Variants in NDRG2 observed in about 807,000 individuals in gnomAD.
The protein encoded by NDRG2 is NDRG family member 2.
In NDRG2, 34 loss-of-function variants were observed where a neutral mutation model predicts 58.2. That is an observed-to-expected ratio of 0.58 (90% CI 0.44 to 0.78). The LOEUF (loss-of-function observed/expected upper bound fraction) is 0.78. Among genes scored for constraint, NDRG2 ranks in the 30% least tolerant of loss-of-function variants. The pLI, the probability that NDRG2 is intolerant of heterozygous loss-of-function variation, is 0.00. For synonymous variants in NDRG2, 187 were observed against 175.9 expected, an observed-to-expected ratio of 1.06 and a Z score of -0.50; for missense variants, 434 against 471.2, an observed-to-expected ratio of 0.92 and a Z score of 0.73.
intron 11 of NDRG2, 37 bp from the exon 12 acceptor site, chr14:21,018,851 C>T (rs1489196533): frequency 6.2e-7 from 1 of 1,613,080 alleles, no homozygotes. Context: ...CAGTGAGCCC[C>T]TGGCACTCCC....
At chr14:21,042,996 G>C (rs1420496022) in intron 1 of NDRG2, 1 of 1,611,898 alleles carries the variant, frequency 6.2e-7, no homozygotes, top group African/African-American at 1.3e-5. Flanking sequence ...AAGAGAGATG[G>C]CACCGGCCAG....
chr14:21,034,544 C>A, intron 1 of NDRG2: 1 of 472,918 alleles, frequency 2.1e-6, no homozygotes, highest in South Asian at 4.0e-5. Flanking sequence ...GCTACATTTG[C>A]AGAATAAGAG....
In NDRG2 at chr14:21,070,386, G is replaced by C; in HGVS notation, c.24+442C>G. 7.1e-7 allele frequency: 1 copy of C among 1,409,182 alleles called. No individual in the cohort carries two copies. The highest frequency in any genetic ancestry group is 9.2e-7 in the Non-Finnish European group (1 of 1,090,260). The allele number at this position is 1,409,182 out of a possible 1,614,324, so 87.3% of individuals were successfully genotyped here. ...CCCGACCAAGCGTCGGACGCGGCCC[G>C]GCGCCGAGCCATGGTGAGTCCAGCG... On this transcript the variant is annotated intron_variant, in intron 1 of 14. Coordinates refer to the NDRG2 transcript ENST00000403829. The surrounding 1 kb of genome is among the most constrained non-coding windows in gnomAD (Gnocchi z 4.7).
intron 14 of NDRG2, 38 bp from the exon 15 acceptor site, chr14:21,018,076 G>A (rs1238341369): frequency 6.2e-7 from 1 of 1,608,300 alleles, no homozygotes; most frequent in Non-Finnish European, 8.5e-7. Flanking sequence ...ACGGTGAGAT[G>A]AGGTTAGAGG....
At chr14:21,039,199 G>A (rs1429902764) in intron 1 of NDRG2, among the ~76,000 whole-genome samples, 1 of 152,156 alleles carries the variant, frequency 6.6e-6, no homozygotes, top group African/African-American at 2.4e-5. Flanking sequence ...CAGGCGAGAG[G>A]AAGCAGCAGC....
At chr14:21,069,428 ACTGGAGGCCTGGTGCCTTCCCTCTT>A (rs1886495086) in intron 1 of NDRG2, among the ~76,000 whole-genome samples, 1 of 152,184 alleles carries the variant, frequency 6.6e-6, no homozygotes, top group Non-Finnish European at 1.5e-5. Context: ...GAATCCTCGA[ACTGGAGGCCTGGTGCCTTCCCTCTT>A]CTAGCCGAAT....
chr14:21,066,509 AGGGTTTCACCATGTTG>A (rs1886275932), intron 1 of NDRG2, among the ~76,000 whole-genome samples: 1 of 152,114 alleles, frequency 6.6e-6, no homozygotes, highest in Non-Finnish European at 1.5e-5. Flanking sequence ...TAGTAGAGAC[AGGGTTTCACCATGTTG>A]GGGTTTCCCC....
intron 1 of NDRG2, among the ~76,000 whole-genome samples, chr14:21,037,886 C>A (rs998378372): frequency 6.6e-6 from 1 of 152,194 alleles, no homozygotes; most frequent in African/African-American, 2.4e-5. Flanking sequence ...TCCCTTCCCT[C>A]CCCAATGGTA....
chr14:21,037,181 G>C (rs1254882561), intron 1 of NDRG2, among the ~76,000 whole-genome samples: 1 of 152,202 alleles, frequency 6.6e-6, no homozygotes, highest in Non-Finnish European at 1.5e-5. Flanking sequence ...GCACATTATA[G>C]AGGAAAGCAT....
chr14:21,031,212 A>G (rs543485522), intron 1 of NDRG2: 8 of 1,596,358 alleles, frequency 5.0e-6, no homozygotes, highest in Non-Finnish European at 6.0e-6. Context: ...CTAAATCCCC[A>G]TTGTTCCAGT....
intron 8 of NDRG2, 197 bp downstream of exon 8, chr14:21,020,293 CAAAAAA>C (rs11325826): frequency 3.1e-5 from 12 of 389,746 alleles, no homozygotes; most frequent in African/African-American, 5.8e-5. Flanking sequence ...GACACCATCT[CAAAAAA>C]AAAAAAAAAA....
chr14:21,070,347 C>A lies in NDRG2; in HGVS notation c.24+481G>T. 7.1e-7 allele frequency: 1 copy of A among 1,403,410 alleles called. No homozygotes were observed. Among genetic ancestry groups the A allele is most frequent in the Non-Finnish European group, 9.2e-7 (1 of 1,083,962 alleles). 86.9% of individuals were successfully genotyped at this position (1,403,410 alleles called of 1,614,324 possible). On this transcript the variant is annotated intron_variant, in intron 1 of 14. Transcript: ENST00000403829. This position sits in a 1 kb window ranked among gnomAD's most constrained non-coding sequence, Gnocchi z 4.7. The stretch of plus-strand genomic sequence containing the variant: ...GCGGCGGGAGGGAGGCGGTGGCGCG[C>A]CCGGCCCCGCCCGCCCGACCAAGCG...
At chr14:21,040,204 C>A (rs1884825666) in intron 1 of NDRG2, among the ~76,000 whole-genome samples, 1 of 152,152 alleles carries the variant, frequency 6.6e-6, no homozygotes, top group African/African-American at 2.4e-5. Context: ...CTCCCCCAAC[C>A]AAGGCCTCGC....
intron 1 of NDRG2, among the ~76,000 whole-genome samples, chr14:21,039,833 G>A (rs188053563): frequency 5.3e-5 from 8 of 152,216 alleles, no homozygotes; most frequent in Middle Eastern, 3.4e-3. Flanking sequence ...AGCCTTCTAC[G>A]CAGCCCAGCA....
chr14:21,057,848 A>C (rs777761066), intron 1 of NDRG2: 1 of 1,548,092 alleles, frequency 6.5e-7, no homozygotes, highest in Non-Finnish European at 8.9e-7. Context: ...TGACCTATTC[A>C]TCCACCTACC....
chr14:21,040,025 C>A (rs1446729559), intron 1 of NDRG2, among the ~76,000 whole-genome samples: 1 of 152,222 alleles, frequency 6.6e-6, no homozygotes. Flanking sequence ...AAAGGCTAGA[C>A]TGGCCTGTGC....
rs139233647 is a variant in NDRG2, at chr14:21,033,918, T to C, written c.25-10597A>G. The C allele has an allele frequency of 4.6e-4, 743 of 1,614,032 alleles. 3 individuals carry two copies. The highest frequency in any genetic ancestry group is 5.6e-4 in the Non-Finnish European group (666 of 1,179,926). ...CTGGTTGGTTAGGGTGCTATTGTAG[T>C]AGCAGCTAGTGGGTGGCTGTTGGTG... On this transcript the variant is annotated intron_variant, in intron 1 of 14. Transcript: ENST00000403829.
chr14:21,067,761 T>C (rs1157740528), intron 1 of NDRG2, among the ~76,000 whole-genome samples: 2 of 150,022 alleles, frequency 1.3e-5, no homozygotes, highest in African/African-American at 4.9e-5. Context: ...TGTACACACG[T>C]ACACACACAC....
At position 21,034,287 on chromosome 14, in the gene NDRG2, A is replaced by C. The variant is rs770207237; in HGVS notation, c.25-10966T>G. ...AAGGAGCCGGGTCACAGCTGGTGCC[A>C]TTCCTCCTGCTGGTAGAGTTAAGGT... On this transcript the variant is annotated intron_variant, in intron 1 of 14. Transcript: ENST00000403829. The C allele has an allele frequency of 5.7e-5, 92 of 1,607,040 alleles. 1 individual carries two copies. The South Asian group carries it at 9.2e-4, about 16-fold the overall frequency.
Sources: allele counts gnomAD v4.1 joint callset (sites outside exome capture counted in the v4.1 genomes callset), GRCh38; gene constraint gnomAD v4.1.1; non-coding constraint Gnocchi (gnomAD v3.1); transcripts MANE v1.5; gene names NCBI Gene and HGNC (gene_info 2026-07-23, HGNC 2026-07-21).